CNTNAP5: variants seen among roughly 807,000 people sequenced by gnomAD.
CNTNAP5 encodes contactin-associated protein-like 5.
In CNTNAP5, 72 loss-of-function variants were observed where a neutral mutation model predicts 150.2. The ratio of observed to expected loss-of-function variants is 0.48; its 90% CI spans 0.40 to 0.58. The LOEUF (loss-of-function observed/expected upper bound fraction) is 0.58. Among genes scored for constraint, CNTNAP5 ranks in the 20% least tolerant of loss-of-function variants. CNTNAP5 has a pLI of 0.00. For synonymous variants in CNTNAP5, 672 were observed against 619.8 expected, an observed-to-expected ratio of 1.08 and a Z score of -1.25; for missense variants, 1,636 against 1,626.2, an observed-to-expected ratio of 1.01 and a Z score of -0.10.
chr2:124,712,302 C>T (rs944102347), intron 13 of CNTNAP5, among the ~76,000 whole-genome samples: 12 of 152,150 alleles, frequency 7.9e-5, no homozygotes, highest in African/African-American at 2.9e-4. Context: ...ACTTGTATTG[C>T]CTCATTTAAT....
chr2:124,073,763 A>G (rs78094730), intron 1 of CNTNAP5, among the ~76,000 whole-genome samples: 2 of 152,242 alleles, frequency 1.3e-5, no homozygotes, highest in East Asian at 1.9e-4. Context: ...TACAACCACT[A>G]TGGAGAAGGT....
At chr2:124,327,302 C>T (rs114695358) in intron 3 of CNTNAP5, among the ~76,000 whole-genome samples, 1,887 of 152,046 alleles carry the variant, frequency 0.012, 39 homozygotes, top group African/African-American at 0.041. Context: ...AAAACAAAAA[C>T]TAAAACTAAA....
At chr2:124,587,592 T>G (rs1456369216) in intron 11 of CNTNAP5, among the ~76,000 whole-genome samples, 1 of 152,172 alleles carries the variant, frequency 6.6e-6, no homozygotes, top group African/African-American at 2.4e-5. Context: ...TCTTTATTCT[T>G]CCTCAGGGGG....
chr2:124,853,257 G>T (rs1683192828), intron 19 of CNTNAP5, among the ~76,000 whole-genome samples: 1 of 152,172 alleles, frequency 6.6e-6, no homozygotes, highest in Non-Finnish European at 1.5e-5. Context: ...GTACATTGTG[G>T]CACCCAGGCT....
At chr2:124,707,138 GAGGAAGAA>G (rs1679696622) in intron 13 of CNTNAP5, among the ~76,000 whole-genome samples, 4 of 80,248 alleles carry the variant, frequency 5.0e-5, no homozygotes, top group South Asian at 8.7e-4. Context: ...AGAAGAAGAA[GAGGAAGAA>G]GAAGAAGAAG....
At chr2:124,615,326 G>T (rs1677473017) in intron 12 of CNTNAP5, among the ~76,000 whole-genome samples, 1 of 152,176 alleles carries the variant, frequency 6.6e-6, no homozygotes, top group Non-Finnish European at 1.5e-5. Flanking sequence ...TTCTGCCACT[G>T]CTTTAGCAAC....
At chr2:124,201,467 G>C (rs769071557) in intron 1 of CNTNAP5, among the ~76,000 whole-genome samples, 2 of 152,164 alleles carry the variant, frequency 1.3e-5, no homozygotes, top group African/African-American at 2.4e-5. Context: ...TGCTAAGAAA[G>C]GGTAATTCTG....
chr2:124,201,275 G>T (rs1685720975), intron 1 of CNTNAP5, among the ~76,000 whole-genome samples: 1 of 152,220 alleles, frequency 6.6e-6, no homozygotes, highest in Middle Eastern at 3.4e-3. Context: ...AAAAGGGAGA[G>T]AATAAAATTG....
In CNTNAP5 at chr2:124,852,755, G is replaced by A. The variant is rs71428163; in HGVS notation, c.3218-12551G>A. ...AGAGCTGGTGATGGACTGCCTTGCG[G>A]CATGGTGAAGACCTGGAAAGAAGTG... is the stretch of plus-strand genomic sequence containing the variant. On this transcript the variant is annotated intron_variant, in intron 19 of 23. Coordinates refer to ENST00000682447, the MANE Select transcript of CNTNAP5 (RefSeq NM_001367498.1). Among the ~76,000 whole-genome samples the A allele has an allele frequency of 5.3e-3, 805 of 152,332 alleles. 6 individuals are homozygous for A. The highest frequency in any genetic ancestry group is 7.5e-3 in the Non-Finnish European group (509 of 68,036).
chr2:124,433,808 G>T (rs920509807), intron 4 of CNTNAP5, among the ~76,000 whole-genome samples: 2 of 152,158 alleles, frequency 1.3e-5, no homozygotes, highest in Non-Finnish European at 2.9e-5. Flanking sequence ...TGTTACATAA[G>T]TTTATCTAAA....
At chr2:124,851,943 C>T (rs1405087682) in intron 19 of CNTNAP5, among the ~76,000 whole-genome samples, 3 of 152,048 alleles carry the variant, frequency 2.0e-5, no homozygotes, top group Non-Finnish European at 4.4e-5. Flanking sequence ...CAAGAATGGG[C>T]CAAGGGACTT....
intron 11 of CNTNAP5, among the ~76,000 whole-genome samples, chr2:124,575,284 C>G (rs531428316): frequency 6.6e-6 from 1 of 152,322 alleles, no homozygotes; most frequent in African/African-American, 2.4e-5. Context: ...ATCCAGGGTT[C>G]TTTTAAAATA....
At position 124,657,106 on chromosome 2, in the gene CNTNAP5, T is replaced by C. The variant is rs1335910844; in HGVS notation, c.2077+9148T>C. Among the ~76,000 whole-genome samples, 6 of 152,322 alleles carry C rather than the reference T, an allele frequency of 3.9e-5. No individual in the cohort carries two copies. In the South Asian group the frequency reaches 1.0e-3, roughly 26 times the overall value. ...GAACATTAGGTCCCTTAGGTACTGATAGAGGGTCTCCCAATCTCATAGTGT... is the reference window on the plus strand; with the variant it reads ...GAACATTAGGTCCCTTAGGTACTGACAGAGGGTCTCCCAATCTCATAGTGT... On this transcript the variant is annotated intron_variant, in intron 13 of 23. Coordinates refer to ENST00000682447, the MANE Select transcript of CNTNAP5 (RefSeq NM_001367498.1).
At chr2:124,595,922 G>T (rs1282193689) in intron 11 of CNTNAP5, among the ~76,000 whole-genome samples, 7 of 105,464 alleles carry the variant, frequency 6.6e-5, no homozygotes, top group Non-Finnish European at 1.3e-4. Context: ...TAGTTTATTT[G>T]CGTAGAGGTG....
At chr2:124,851,238 C>A (rs1683147847) in intron 19 of CNTNAP5, among the ~76,000 whole-genome samples, 1 of 152,126 alleles carries the variant, frequency 6.6e-6, no homozygotes, top group South Asian at 2.1e-4. Context: ...TGCCTGTAAT[C>A]CCAGCTACTA....
At chr2:124,185,567 G>A (rs1685314493) in intron 1 of CNTNAP5, among the ~76,000 whole-genome samples, 1 of 152,132 alleles carries the variant, frequency 6.6e-6, no homozygotes, top group Admixed American at 6.6e-5. Flanking sequence ...ATTTCAAGGA[G>A]AATGAAGACA....
At chr2:124,278,974 T>C (rs796377947) in intron 3 of CNTNAP5, among the ~76,000 whole-genome samples, 46 of 152,252 alleles carry the variant, frequency 3.0e-4, no homozygotes, top group African/African-American at 1.1e-3. Flanking sequence ...AATTTTCTGT[T>C]CGATATTTAC....
intron 3 of CNTNAP5, among the ~76,000 whole-genome samples, chr2:124,285,157 A>T (rs2104627465): frequency 6.6e-6 from 1 of 152,112 alleles, no homozygotes; most frequent in East Asian, 1.9e-4. Flanking sequence ...AGTTTGTAAG[A>T]TCCCAGATAG....
intron 16 of CNTNAP5, among the ~76,000 whole-genome samples, chr2:124,772,460 T>C (rs1681223298): frequency 1.3e-5 from 2 of 151,984 alleles, no homozygotes; most frequent in African/African-American, 4.8e-5. Flanking sequence ...GCTAACCTCA[T>C]GTCTGCAGAT....
Sources: gnomAD v4.1 joint callset for allele counts (sites outside exome capture counted in the v4.1 genomes callset) on GRCh38, gnomAD v4.1.1 for gene constraint, MANE v1.5 for transcripts, NCBI Gene and HGNC (gene_info 2026-07-23, HGNC 2026-07-21) for gene names.